SRGAP2C: variants seen among roughly 807,000 people sequenced by gnomAD.
SRGAP2C encodes the protein SLIT-ROBO Rho GTPase activating protein 2C, also known as SLIT-ROBO Rho GTPase-activating protein 2C.
SRGAP2C carries 15 observed loss-of-function variants against 25.1 expected under a neutral mutation model. That is an observed-to-expected ratio of 0.60 (90% CI 0.40 to 0.92). The LOEUF is 0.92. Among genes scored for constraint, SRGAP2C ranks in the 40% least tolerant of loss-of-function variants. The pLI is 0.00. For missense variants in SRGAP2C, 144 were observed against 264.4 expected (o/e 0.54, Z 3.16); for synonymous variants, 44 against 96.6 (o/e 0.46, Z 3.19).
intron 3 of SRGAP2C, among the ~76,000 whole-genome samples, chr1:121,294,706 G>T (rs1657560814): frequency 1.6e-5 from 2 of 122,606 alleles, no homozygotes; most frequent in Non-Finnish European, 1.7e-5. Context: ...TTTTTCTGTT[G>T]AGTTTTTAGA....
intron 4 of SRGAP2C, chr1:121,363,004 AG>A (rs1659237816): frequency 7.0e-6 from 1 of 141,990 alleles, no homozygotes; most frequent in African/African-American, 2.7e-5. Flanking sequence ...CATACACTAA[AG>A]GGAGGGATGT....
At chr1:121,289,103 C>T (rs1344416238) in intron 3 of SRGAP2C, among the ~76,000 whole-genome samples, 7 of 144,336 alleles carry the variant, frequency 4.8e-5, no homozygotes, top group African/African-American at 1.5e-4. Context: ...GCTGTGCGCT[C>T]GCATTCCTCA....
rs879960206 is a variant in SRGAP2C at position 121,391,920 on chromosome 1, C to T, written c.*4065C>T. ...CAGACAAAGACTTTAAAACAACTCT[C>T]TTCATTATACTCAAATGTCAAAAGG... is the stretch of plus-strand genomic sequence containing the variant. On this transcript the variant is annotated 3_prime_UTR_variant, in exon 10 of 10. Transcript: ENST00000367123. 6.6e-6 allele frequency: 1 copy of T among 152,418 alleles called. No homozygotes were observed. Among genetic ancestry groups the T allele is most frequent in the East Asian group, 1.9e-4 (1 of 5,196 alleles). 9.4% of individuals were successfully genotyped at this position (152,418 alleles called of 1,614,324 possible).
At chr1:121,359,416 G>A (rs1388942415) in intron 4 of SRGAP2C, among the ~76,000 whole-genome samples, 3 of 149,008 alleles carry the variant, frequency 2.0e-5, no homozygotes, top group African/African-American at 7.5e-5. Flanking sequence ...CTGAGGTGGA[G>A]GGATCTTTAG....
chr1:121,267,996 C>A (rs1474409072), intron 2 of SRGAP2C, among the ~76,000 whole-genome samples: 1 of 150,090 alleles, frequency 6.7e-6, no homozygotes, highest in Non-Finnish European at 1.5e-5. Context: ...GCTCTTGATT[C>A]ATTCATTCAA....
chr1:121,271,074 G>A (rs1468935936), intron 2 of SRGAP2C, among the ~76,000 whole-genome samples: 6 of 151,588 alleles, frequency 4.0e-5, no homozygotes, highest in Non-Finnish European at 8.8e-5. Flanking sequence ...TGGGATTATA[G>A]GCGTGAGCCA....
chr1:121,368,621 G>A (rs1452942205), intron 5 of SRGAP2C, among the ~76,000 whole-genome samples: 16 of 151,348 alleles, frequency 1.1e-4, no homozygotes, highest in African/African-American at 3.9e-4. Flanking sequence ...TTGCATGGGA[G>A]AGTGGTTTTA....
intron 2 of SRGAP2C, among the ~76,000 whole-genome samples, chr1:121,277,425 T>C (rs1313536345): frequency 1.3e-5 from 2 of 151,258 alleles, no homozygotes; most frequent in African/African-American, 4.9e-5. Context: ...TTTATTTTAT[T>C]TTTTTGAGAT....
intron 4 of SRGAP2C, among the ~76,000 whole-genome samples, chr1:121,344,486 TC>T (rs1658699480): frequency 1.5e-4 from 1 of 6,490 alleles, no homozygotes; most frequent in South Asian, 4.8e-3. Flanking sequence ...TGAAAAGCGT[TC>T]CGGAACTACA....
intron 2 of SRGAP2C, among the ~76,000 whole-genome samples, chr1:121,192,225 C>G (rs1654705577): frequency 6.6e-6 from 1 of 150,442 alleles, no homozygotes; most frequent in African/African-American, 2.4e-5. Context: ...CCCAAGGGAG[C>G]TTTAAATATA....
chr1:121,306,737 G>GA (rs1256245452), intron 3 of SRGAP2C, among the ~76,000 whole-genome samples: 25 of 143,160 alleles, frequency 1.7e-4, no homozygotes, highest in Non-Finnish European at 4.5e-5. Flanking sequence ...AAGAAAAAAA[G>GA]AAAAAAACGA....
chr1:121,378,066 C>G (rs1278235183), intron 7 of SRGAP2C, among the ~76,000 whole-genome samples: 48 of 150,046 alleles, frequency 3.2e-4, no homozygotes, highest in African/African-American at 1.1e-3. Flanking sequence ...TCTGTGAGAG[C>G]AGGAACCAAG....
At chr1:121,314,738 G>C (rs1252243941) in intron 3 of SRGAP2C, among the ~76,000 whole-genome samples, 78 of 151,634 alleles carry the variant, frequency 5.1e-4, no homozygotes, top group African/African-American at 1.9e-3. Flanking sequence ...TAGGCTGCTC[G>C]GGGGTCAGGG....
chr1:121,343,795 T>TTA (rs1553343170), intron 4 of SRGAP2C, among the ~76,000 whole-genome samples: 28 of 148,874 alleles, frequency 1.9e-4, no homozygotes, highest in Non-Finnish European at 3.4e-4. Context: ...CAAGTGTTTA[T>TTA]TAAATGCTTT....
chr1:121,316,947 G>A (rs1553340661), intron 3 of SRGAP2C, among the ~76,000 whole-genome samples: 1 of 151,496 alleles, frequency 6.6e-6, no homozygotes, highest in Non-Finnish European at 1.5e-5. Flanking sequence ...GCTAACACAT[G>A]GGATGTAAAC....
chr1:121,367,736 A>ATAT (rs1659368213), intron 5 of SRGAP2C, among the ~76,000 whole-genome samples: 1 of 134,026 alleles, frequency 7.5e-6, no homozygotes, highest in African/African-American at 2.9e-5. Context: ...ACTTCCTGAA[A>ATAT]TATTAGGCTA....
At position 121,385,048 on chromosome 1, in the gene SRGAP2C, G is replaced by T. The variant is rs587595790; in HGVS notation, c.1057-1458G>T. ...ATGAGTGAAATAAAAAGAGATGAGAGGGTGGGTCATTCTTGGCCTCTGCAG... is the reference window on the plus strand; with the variant it reads ...ATGAGTGAAATAAAAAGAGATGAGATGGTGGGTCATTCTTGGCCTCTGCAG... On this transcript the variant is annotated intron_variant, in intron 8 of 9. Transcript: ENST00000367123. Among the ~76,000 whole-genome samples, 499 of 152,016 alleles carry T rather than the reference G, an allele frequency of 3.3e-3. 6 individuals are homozygous for T. Among genetic ancestry groups the T allele is most frequent in the African/African-American group, 0.011 (457 of 41,488 alleles).
chr1:121,260,556 T>C (rs1656604680), intron 2 of SRGAP2C, among the ~76,000 whole-genome samples: 3 of 150,832 alleles, frequency 2.0e-5, no homozygotes, highest in South Asian at 4.2e-4. Flanking sequence ...ACATCAATTA[T>C]ATCTCTCAGG....
chr1:121,216,038 C>T (rs1316590692), intron 2 of SRGAP2C, among the ~76,000 whole-genome samples: 1 of 152,000 alleles, frequency 6.6e-6, no homozygotes, highest in African/African-American at 2.4e-5. Flanking sequence ...CCTGCAGGGG[C>T]CTCTTGAACT....
Sources: allele counts gnomAD v4.1 joint callset (sites outside exome capture counted in the v4.1 genomes callset), GRCh38; gene constraint gnomAD v4.1.1; transcripts MANE v1.5; gene names NCBI Gene and HGNC (gene_info 2026-07-23, HGNC 2026-07-21).